COL24A1: variants seen among roughly 807,000 people sequenced by gnomAD.
The protein encoded by COL24A1 is collagen alpha-1(XXIV) chain.
COL24A1 carries 224 observed loss-of-function variants against 253.9 expected under a neutral mutation model. That is an observed-to-expected ratio of 0.88 (90% CI 0.79 to 0.99). COL24A1 has a LOEUF of 0.99. Among genes scored for constraint, COL24A1 ranks in the 50% least tolerant of loss-of-function variants. COL24A1 has a pLI of 0.00. For synonymous variants in COL24A1, 685 were observed against 673.7 expected (o/e 1.02, Z -0.26); for missense variants, 2,131 against 2,068.5 (o/e 1.03, Z -0.59).
intron 22 of COL24A1, among the ~76,000 whole-genome samples, chr1:85,969,604 CAAAAAAAAA>C (rs61128567): frequency 6.6e-4 from 18 of 27,470 alleles, no homozygotes; most frequent in African/African-American, 2.4e-3. Flanking sequence ...GACTCTGTCT[CAAAAAAAAA>C]AAAAAAAAAA....
chr1:85,738,745 C>T (rs529984282), intron 57 of COL24A1, among the ~76,000 whole-genome samples: 25 of 152,298 alleles, frequency 1.6e-4, no homozygotes, highest in African/African-American at 5.5e-4. Context: ...CTAGCTCATC[C>T]TGAGTTTCCT....
At chr1:86,113,235 C>T (rs1003408696) in intron 4 of COL24A1, among the ~76,000 whole-genome samples, 1 of 152,124 alleles carries the variant, frequency 6.6e-6, no homozygotes, top group Non-Finnish European at 1.5e-5. Flanking sequence ...AACAATCCTG[C>T]AAGGTTATTA....
At chr1:85,887,677 T>C (rs958137800) in intron 32 of COL24A1, among the ~76,000 whole-genome samples, 1 of 152,184 alleles carries the variant, frequency 6.6e-6, no homozygotes, top group Non-Finnish European at 1.5e-5. Context: ...TCCTACTTTA[T>C]GCCTACGTAC....
At chr1:86,115,495 G>A in intron 3 of COL24A1, 117 bp from the exon 4 acceptor site, 3 of 948,676 alleles carry the variant, frequency 3.2e-6, no homozygotes, top group Non-Finnish European at 4.8e-6. Flanking sequence ...TTCCCAGCTG[G>A]TGATGATTTT....
chr1:85,918,135 T>G (rs1223427425), intron 24 of COL24A1, among the ~76,000 whole-genome samples: 2 of 151,912 alleles, frequency 1.3e-5, no homozygotes, highest in African/African-American at 4.8e-5. Flanking sequence ...TTTTGTTTTT[T>G]TTTTTGGCCT....
intron 37 of COL24A1, among the ~76,000 whole-genome samples, chr1:85,864,023 C>A (rs1383637930): frequency 6.6e-6 from 1 of 152,144 alleles, no homozygotes; most frequent in Non-Finnish European, 1.5e-5. Context: ...ACTAGAAATA[C>A]CATTTGACCC....
At chr1:85,790,110 G>A (rs888449724) in intron 47 of COL24A1, among the ~76,000 whole-genome samples, 2 of 152,244 alleles carry the variant, frequency 1.3e-5, no homozygotes, top group South Asian at 2.1e-4. Flanking sequence ...GTTTGAAATC[G>A]TTTCAGAAGA....
intron 20 of COL24A1, among the ~76,000 whole-genome samples, chr1:85,981,402 AC>A (rs1693246158): frequency 6.6e-6 from 1 of 152,144 alleles, no homozygotes; most frequent in African/African-American, 2.4e-5. Flanking sequence ...AAGAAAGGAC[AC>A]CCTATTCAAC....
intron 19 of COL24A1, among the ~76,000 whole-genome samples, chr1:85,990,964 G>C (rs1694197699): frequency 6.6e-6 from 1 of 152,064 alleles, no homozygotes; most frequent in African/African-American, 2.4e-5. Flanking sequence ...GCCAGTAAGT[G>C]AAAAAGAAAG....
intron 2 of COL24A1, among the ~76,000 whole-genome samples, chr1:86,133,002 C>G (rs983481722): frequency 5.0e-5 from 3 of 59,790 alleles, no homozygotes; most frequent in African/African-American, 1.6e-4. Flanking sequence ...CCTATGAGCA[C>G]GGAATGTTCT....
At chr1:86,124,732 A>T in intron 3 of COL24A1, 113 bp downstream of exon 3, 1 of 725,602 alleles carries the variant, frequency 1.4e-6, no homozygotes, top group Non-Finnish European at 2.0e-6. Flanking sequence ...TCCATGACAG[A>T]CTTTATCTGT....
chr1:85,799,211 A>AAAAAAAAGACAGAAAGAAAGAAAG (rs753701297), intron 47 of COL24A1, among the ~76,000 whole-genome samples: 1 of 137,546 alleles, frequency 7.3e-6, no homozygotes, highest in Non-Finnish European at 1.5e-5. Context: ...TTGGCCACAT[A>AAAAAAAAGACAGAAAGAAAGAAAG]AAAGAAAGAA....
At chr1:85,803,076 G>A (rs1671600194) in intron 47 of COL24A1, among the ~76,000 whole-genome samples, 1 of 152,156 alleles carries the variant, frequency 6.6e-6, no homozygotes, top group African/African-American at 2.4e-5. Flanking sequence ...CTCTTGGCTA[G>A]GAATAGAATG....
At chr1:85,933,741 T>A (rs1688015106) in intron 24 of COL24A1, among the ~76,000 whole-genome samples, 1 of 152,218 alleles carries the variant, frequency 6.6e-6, no homozygotes, top group African/African-American at 2.4e-5. Context: ...AAAGGCAAAT[T>A]ATGTGCATGT....
rs781509084 is a variant in COL24A1 at position 85,896,375 on chromosome 1, T to C, written c.2813A>G (p.Gln938Arg). ...GATTACCTTGGCACCTTGTATACCT[T>C]GTTCCCCTAAGAGACCATCTGGTCC... ...SRGPDGLLGE[Q>R]GIQGAKGEKG... The change falls in exon 29 of 60, where the codon CAA becomes CGA. Residue 938 changes from glutamine (Q) to arginine (R), a missense_variant. Gln to Arg is a conservative substitution (Grantham distance 43, BLOSUM62 1). Coordinates refer to ENST00000370571, the MANE Select transcript of COL24A1 (RefSeq NM_152890.7). 1 of 1,613,586 alleles carries C rather than the reference T, an allele frequency of 6.2e-7. No homozygotes were observed. The highest frequency in any genetic ancestry group is 1.1e-5 in the South Asian group (1 of 91,058).
chr1:85,827,678 T>C (rs1339750068), intron 43 of COL24A1, among the ~76,000 whole-genome samples: 10 of 152,034 alleles, frequency 6.6e-5, no homozygotes, highest in African/African-American at 2.2e-4. Flanking sequence ...GAGGAATTTA[T>C]CCATTTCTTC....
chr1:86,032,176 T>C (rs1698628319), intron 13 of COL24A1, among the ~76,000 whole-genome samples: 1 of 152,092 alleles, frequency 6.6e-6, no homozygotes, highest in Admixed American at 6.6e-5. Context: ...TTAAGCAGAG[T>C]CCCCTCTGCC....
At chr1:86,122,592 TAC>T (rs1647544082) in intron 3 of COL24A1, among the ~76,000 whole-genome samples, 2 of 151,978 alleles carry the variant, frequency 1.3e-5, no homozygotes, top group African/African-American at 4.8e-5. Flanking sequence ...CCCTCTTAAT[TAC>T]AGTTTTTAAT....
chr1:85,782,953 T>C (rs1669290109), intron 51 of COL24A1, among the ~76,000 whole-genome samples: 1 of 152,220 alleles, frequency 6.6e-6, no homozygotes, highest in African/African-American at 2.4e-5. Context: ...ATTTGTCCTA[T>C]TTATATTCTC....
Sources: gnomAD v4.1 joint callset for allele counts (sites outside exome capture counted in the v4.1 genomes callset) on GRCh38, gnomAD v4.1.1 for gene constraint, MANE v1.5 for transcripts, NCBI Gene and HGNC (gene_info 2026-07-23, HGNC 2026-07-21) for gene names.